ITGA8: variants seen among roughly 807,000 people sequenced by gnomAD.
ITGA8 encodes integrin alpha-8.
A neutral mutation model predicts 142.3 loss-of-function variants in ITGA8; 91 were observed. The ratio of observed to expected loss-of-function variants is 0.64; its 90% confidence interval spans 0.54 to 0.76. The LOEUF is 0.76. Among genes scored for constraint, ITGA8 ranks in the 30% least tolerant of loss-of-function variants. The pLI, the probability that ITGA8 is intolerant of heterozygous loss-of-function variation, is 0.00. For missense variants in ITGA8, 1,406 were observed against 1,327.7 expected, an observed-to-expected ratio of 1.06 and a Z score of -0.92; for synonymous variants, 505 against 485.2, an observed-to-expected ratio of 1.04 and a Z score of -0.54.
At chr10:15,677,488 T>C in intron 6 of ITGA8, 104 bp downstream of exon 6, 1 of 860,094 alleles carries the variant, frequency 1.2e-6, no homozygotes, top group South Asian at 1.7e-5. Context: ...TGAATAAGGA[T>C]ATAAAATTAA....
intron 27 of ITGA8, among the ~76,000 whole-genome samples, chr10:15,544,628 A>G (rs1048799790): frequency 6.6e-6 from 1 of 152,242 alleles, no homozygotes; most frequent in Admixed American, 6.5e-5. Flanking sequence ...ATCTAAAAGT[A>G]GGAAATTCAA....
intron 11 of ITGA8, among the ~76,000 whole-genome samples, chr10:15,655,023 A>C (rs1834156350): frequency 6.6e-6 from 1 of 152,230 alleles, no homozygotes; most frequent in Non-Finnish European, 1.5e-5. Context: ...ATCACATGCT[A>C]GGGGAAAATT....
intron 2 of ITGA8, among the ~76,000 whole-genome samples, chr10:15,701,710 A>G (rs893110378): frequency 1.4e-4 from 21 of 152,178 alleles, no homozygotes; most frequent in African/African-American, 5.1e-4. Context: ...TTTGAAAACT[A>G]TTTATAAAGC....
intron 4 of ITGA8, among the ~76,000 whole-genome samples, chr10:15,680,082 G>A (rs985662316): frequency 6.6e-6 from 1 of 152,182 alleles, no homozygotes; most frequent in Non-Finnish European, 1.5e-5. Flanking sequence ...GACTGGGCAT[G>A]CGCCTGTTCA....
intron 26 of ITGA8, among the ~76,000 whole-genome samples, 181 bp from the exon 27 acceptor site, chr10:15,548,749 G>A (rs1049690290): frequency 1.3e-5 from 2 of 152,104 alleles, no homozygotes; most frequent in African/African-American, 2.4e-5. Flanking sequence ...GAGGATGAAT[G>A]GAACACAAAA....
At chr10:15,663,656 C>T (rs1188491477) in intron 8 of ITGA8, among the ~76,000 whole-genome samples, 2 of 151,944 alleles carry the variant, frequency 1.3e-5, no homozygotes, top group Non-Finnish European at 2.9e-5. Context: ...TCAACCTTGA[C>T]CTCACAGGGT....
chr10:15,648,097 G>A (rs1413290359), intron 11 of ITGA8, among the ~76,000 whole-genome samples: 1 of 152,116 alleles, frequency 6.6e-6, no homozygotes, highest in African/African-American at 2.4e-5. Flanking sequence ...GACTAGAATG[G>A]GAAACTTCAC....
chr10:15,584,595 G>A (rs1371977431), intron 23 of ITGA8, among the ~76,000 whole-genome samples: 1 of 152,182 alleles, frequency 6.6e-6, no homozygotes, highest in South Asian at 2.1e-4. Context: ...ATGTAGTAAA[G>A]TTAAATAGAG....
At chr10:15,654,416 G>C (rs1002896223) in intron 11 of ITGA8, among the ~76,000 whole-genome samples, 3 of 152,120 alleles carry the variant, frequency 2.0e-5, no homozygotes, top group Admixed American at 2.0e-4. Flanking sequence ...GTAGATGTTT[G>C]AGAAGTTTAT....
chr10:15,699,214 G>A lies in ITGA8; in HGVS notation c.344-11176C>T, dbSNP rs544749165. On this transcript the variant is annotated intron_variant, in intron 2 of 29. Transcript: ENST00000378076. ...CAGGAGAATTGCTTGAACCTGGGAA[G>A]CAGAGGTTGCAGTGAGCTAAGATTA... Among the ~76,000 whole-genome samples, 5 of 152,304 alleles carry A rather than the reference G, an allele frequency of 3.3e-5. No homozygotes were observed. In the South Asian group the frequency reaches 1.0e-3, roughly 32 times the overall value.
At chr10:15,659,735 C>T (rs1279535223) in intron 9 of ITGA8, among the ~76,000 whole-genome samples, 1 of 152,144 alleles carries the variant, frequency 6.6e-6, no homozygotes, top group East Asian at 1.9e-4. Context: ...AATCCAATGA[C>T]TGATGTCCTT....
rs1049494833 is a variant in ITGA8 at position 15,632,778 on chromosome 10, C to T, written c.1399+11252G>A. ...GGTTGTTAACCAATTTTTAACACAC[C>T]TCTGAATATAAAGGCCTATTTCAAG... On this transcript the variant is annotated intron_variant, in intron 13 of 29. Coordinates refer to ENST00000378076, the MANE Select transcript of ITGA8 (RefSeq NM_003638.3). 7.2e-5 allele frequency among the ~76,000 whole-genome samples: 11 copies of T among 151,990 alleles called. No individual in the cohort carries two copies. In the East Asian group the frequency reaches 1.9e-3, roughly 27 times the overall value.
At chr10:15,590,397 C>A (rs958353159) in intron 22 of ITGA8, among the ~76,000 whole-genome samples, 1 of 152,202 alleles carries the variant, frequency 6.6e-6, no homozygotes, top group Non-Finnish European at 1.5e-5. Context: ...TAATTGCATC[C>A]ATTCTCTTTT....
In ITGA8 at chr10:15,613,840, G is replaced by A. The variant is rs571073285; in HGVS notation, c.1446-73C>T. 2.5e-5 allele frequency: 25 copies of A among 986,084 alleles called. No homozygotes were observed. The East Asian group carries it at 5.7e-4, about 23-fold the overall frequency. The allele number at this position is 986,084 out of a possible 1,614,324, so 61.1% of individuals were successfully genotyped here. On this transcript the variant is annotated intron_variant, in intron 14 of 29. Transcript: ENST00000378076. ...TAGGCAGGCAGAAGCCCACTTCACT[G>A]CATACTGAACTCAGTAGTAGACAGA...
intron 27 of ITGA8, among the ~76,000 whole-genome samples, chr10:15,538,715 T>A (rs2131549563): frequency 6.6e-6 from 1 of 152,162 alleles, no homozygotes; most frequent in African/African-American, 2.4e-5. Flanking sequence ...TGACATCATT[T>A]TTGTTCAGTC....
intron 11 of ITGA8, among the ~76,000 whole-genome samples, chr10:15,649,379 C>G (rs959289635): frequency 3.3e-5 from 5 of 151,590 alleles, no homozygotes; most frequent in African/African-American, 1.2e-4. Context: ...GCCTGTGATC[C>G]CAGCACTTTG....
rs1192195584 is a variant in ITGA8 at position 15,719,590 on chromosome 10, A to T, written c.182T>A (p.Val61Glu). The T allele has an allele frequency of 6.4e-7, 1 of 1,562,198 alleles. No homozygotes were observed. Among genetic ancestry groups the T allele is most frequent in the African/African-American group, 1.4e-5 (1 of 70,576 alleles). ...GPKGSYFGYA[V>E]DFHIPDARTA... ...GCGGGCGTCGGGTATGTGGAAGTCC[A>T]CGGCGTAGCCGAAGTAGCTGCCCTT... is the stretch of plus-strand genomic sequence containing the variant. Residue 61 changes from valine to glutamate, a missense_variant, in exon 1 of 30, where the codon GTG (valine) becomes GAG (glutamate). Val to Glu is a moderately radical substitution (Grantham distance 121, BLOSUM62 -2). Transcript: ENST00000378076.
chr10:15,672,704 G>C lies in ITGA8; in HGVS notation c.722C>G (p.Ser241Ter). ...CAGTTTCCTGAGGATATCCTTGAAT[G>C]AGTAATTTGCAATGATATCTGCAAC... ...ASVADIIANY[S>*]FKDILRKLAG... Residue 241 changes from serine (S) to a stop codon, truncating the protein, a stop_gained, in exon 7 of 30, where the codon TCA becomes TGA. Transcript: ENST00000378076. LOFTEE classifies it high-confidence loss of function. 1 of 1,613,582 alleles carries C rather than the reference G, an allele frequency of 6.2e-7. No individual in the cohort carries two copies.
chr10:15,647,109 T>G (rs1236978947), intron 11 of ITGA8, 58 bp from the exon 12 acceptor site: 2 of 1,310,962 alleles, frequency 1.5e-6, no homozygotes, highest in Non-Finnish European at 1.1e-6. Context: ...TCACTTTGGG[T>G]TATTTGTAAT....
Sources: allele counts gnomAD v4.1 joint callset (sites outside exome capture counted in the v4.1 genomes callset), GRCh38; gene constraint gnomAD v4.1.1; transcripts MANE v1.5; gene names NCBI Gene and HGNC (gene_info 2026-07-23, HGNC 2026-07-21).